RBMS3: variants seen among roughly 807,000 people sequenced by gnomAD.
RBMS3 encodes RNA binding motif single stranded interacting protein 3, also known as RNA-binding motif, single-stranded-interacting protein 3.
RBMS3 carries 27 observed loss-of-function variants against 66.8 expected under a neutral mutation model. The ratio of observed to expected loss-of-function variants is 0.40; its 90% CI spans 0.30 to 0.56. RBMS3 has a LOEUF of 0.56. Ranked by LOEUF, RBMS3 falls within the 20% of genes least tolerant of loss-of-function variation. The pLI is 0.40. For synonymous variants in RBMS3, 188 were observed against 183.0 expected (o/e 1.03, Z -0.22); for missense variants, 513 against 549.5 (o/e 0.93, Z 0.66).
At chr3:29,738,260 C>A (rs2149346805) in intron 4 of RBMS3, among the ~76,000 whole-genome samples, 1 of 152,184 alleles carries the variant, frequency 6.6e-6, no homozygotes, top group Admixed American at 6.5e-5. Flanking sequence ...AGATATTTTA[C>A]TGTTACATAA....
At chr3:29,733,903 G>A (rs542566726) in intron 4 of RBMS3, among the ~76,000 whole-genome samples, 3 of 152,090 alleles carry the variant, frequency 2.0e-5, no homozygotes, top group South Asian at 4.1e-4. Flanking sequence ...TCTTTAAGCC[G>A]TTTTGAGATT....
At chr3:29,672,998 C>A (rs1239554025) in intron 4 of RBMS3, among the ~76,000 whole-genome samples, 1 of 150,594 alleles carries the variant, frequency 6.6e-6, no homozygotes, top group African/African-American at 2.4e-5. Context: ...CACCACATCG[C>A]ACTTATTACA....
intron 10 of RBMS3, among the ~76,000 whole-genome samples, chr3:29,920,337 T>G (rs1010560612): frequency 3.3e-5 from 5 of 152,222 alleles, no homozygotes; most frequent in African/African-American, 1.2e-4. Flanking sequence ...AATTTTGTAG[T>G]ATGAGTAAAT....
chr3:29,483,930 A>T (rs1463944865), intron 2 of RBMS3, among the ~76,000 whole-genome samples: 1 of 152,240 alleles, frequency 6.6e-6, no homozygotes, highest in Non-Finnish European at 1.5e-5. Context: ...TGTAAAGTTT[A>T]CTTGGTGTGG....
At chr3:29,627,994 C>T (rs1276326065) in intron 4 of RBMS3, among the ~76,000 whole-genome samples, 2 of 152,090 alleles carry the variant, frequency 1.3e-5, no homozygotes, top group Non-Finnish European at 2.9e-5. Flanking sequence ...AGACCTGGTC[C>T]ATTATTGTTT....
chr3:29,884,352 T>C, intron 8 of RBMS3, 144 bp downstream of exon 8: 1 of 735,238 alleles, frequency 1.4e-6, no homozygotes, highest in Non-Finnish European at 2.2e-6. Flanking sequence ...TTCATCATTA[T>C]AGTTTTTTTC....
chr3:30,003,891 T>C lies in RBMS3; in HGVS notation c.*29T>C. 2 of 1,441,164 alleles carry C rather than the reference T, an allele frequency of 1.4e-6. No homozygotes were observed. The highest frequency in any genetic ancestry group is 1.9e-4 in the Middle Eastern group (1 of 5,358). 89.3% of individuals were successfully genotyped at this position (1,441,164 alleles called of 1,614,324 possible). On this transcript the variant is annotated 3_prime_UTR_variant, in exon 15 of 15. Transcript: ENST00000383767. ...GGACTGAAGAATGTCTGTCTGAATC[T>C]TTGCCTTGAATGAAGAAACTTCATT...
At chr3:29,588,195 C>A (rs534252281) in intron 4 of RBMS3, among the ~76,000 whole-genome samples, 9 of 152,028 alleles carry the variant, frequency 5.9e-5, no homozygotes, top group Admixed American at 3.9e-4. Flanking sequence ...AAAATGATGG[C>A]CATTTAGGAT....
chr3:29,635,485 C>T (rs897416119), intron 4 of RBMS3, among the ~76,000 whole-genome samples: 1 of 151,844 alleles, frequency 6.6e-6, no homozygotes, highest in Non-Finnish European at 1.5e-5. Flanking sequence ...ACCATTTCTC[C>T]TCCTCTCCAC....
At chr3:29,578,712 T>C (rs1324291492) in intron 3 of RBMS3, among the ~76,000 whole-genome samples, 3 of 150,924 alleles carry the variant, frequency 2.0e-5, no homozygotes, top group Non-Finnish European at 2.9e-5. Flanking sequence ...GAAATTTAGA[T>C]CAAGTGACAA....
intron 10 of RBMS3, among the ~76,000 whole-genome samples, chr3:29,917,658 G>A (rs2060672887): frequency 1.3e-5 from 2 of 152,022 alleles, no homozygotes; most frequent in African/African-American, 2.4e-5. Context: ...AGAGGGTCAT[G>A]GGAGGCAGAA....
At position 29,944,922 on chromosome 3, in the gene RBMS3, G is replaced by A. The variant is rs1335717157; in HGVS notation, c.1098+668G>A. Among the ~76,000 whole-genome samples the A allele has an allele frequency of 2.6e-5, 4 of 151,718 alleles. 1 individual carries two copies. The highest frequency in any genetic ancestry group is 9.7e-5 in the African/African-American group (4 of 41,376). Reference sequence around the variant, plus strand: ...TATTTCAGTTGTTTCATAAAATTTAGTAGTGCAGTTTGTAATAGGATATGT... The same window carrying A: ...TATTTCAGTTGTTTCATAAAATTTAATAGTGCAGTTTGTAATAGGATATGT... On this transcript the variant is annotated intron_variant, in intron 12 of 14. Transcript: ENST00000383767.
At chr3:29,981,756 C>T (rs950702896) in intron 12 of RBMS3, among the ~76,000 whole-genome samples, 10 of 152,094 alleles carry the variant, frequency 6.6e-5, no homozygotes, top group Non-Finnish European at 1.5e-4. Flanking sequence ...GTTGAAGCAG[C>T]CTTGCATCCC....
intron 6 of RBMS3, among the ~76,000 whole-genome samples, chr3:29,810,092 G>T (rs1201856507): frequency 6.6e-6 from 1 of 152,012 alleles, no homozygotes; most frequent in Non-Finnish European, 1.5e-5. Context: ...AAATAGCATA[G>T]TTCATTATAG....
chr3:29,282,444 A>G (rs2031888265), intron 1 of RBMS3, among the ~76,000 whole-genome samples: 1 of 152,142 alleles, frequency 6.6e-6, no homozygotes. Flanking sequence ...GTAACTGATC[A>G]TAATTGGACT....
At chr3:29,781,732 G>C (rs2056638001) in intron 6 of RBMS3, among the ~76,000 whole-genome samples, 1 of 152,004 alleles carries the variant, frequency 6.6e-6, no homozygotes, top group Non-Finnish European at 1.5e-5. Context: ...TAGTGGTCTA[G>C]GGCAAGTTAT....
chr3:29,759,802 C>G (rs2055585461), intron 5 of RBMS3, among the ~76,000 whole-genome samples: 3 of 152,070 alleles, frequency 2.0e-5, no homozygotes, highest in Non-Finnish European at 4.4e-5. Context: ...TTCCCCTTGG[C>G]AGCTCCTATA....
At chr3:29,925,408 T>C (rs1169878420) in intron 10 of RBMS3, among the ~76,000 whole-genome samples, 1 of 152,118 alleles carries the variant, frequency 6.6e-6, no homozygotes, top group Non-Finnish European at 1.5e-5. Context: ...AAGGTTGCCA[T>C]GAAAATATGT....
At chr3:29,985,907 T>C (rs185939157) in intron 12 of RBMS3, among the ~76,000 whole-genome samples, 1 of 152,204 alleles carries the variant, frequency 6.6e-6, no homozygotes, top group Non-Finnish European at 1.5e-5. Context: ...TGAACATTGC[T>C]GTATATGGCC....
Sources: allele counts gnomAD v4.1 joint callset (sites outside exome capture counted in the v4.1 genomes callset), GRCh38; gene constraint gnomAD v4.1.1; transcripts MANE v1.5; gene names NCBI Gene and HGNC (gene_info 2026-07-23, HGNC 2026-07-21).